Variants in CADM1 observed in about 807,000 individuals in gnomAD.
CADM1 encodes TSLC-1.
A neutral mutation model predicts 53.1 loss-of-function variants in CADM1; 15 were observed. That is an observed-to-expected ratio of 0.28 (90% CI 0.19 to 0.44). The LOEUF is 0.44. Ranked by LOEUF, CADM1 falls within the 20% of genes least tolerant of loss-of-function variation. The probability of loss-of-function intolerance (pLI) is 1.00; values close to 1 mark genes in which losing one functional copy is unlikely to be tolerated. For synonymous variants in CADM1, 281 were observed against 243.0 expected (o/e 1.16, Z -1.45); for missense variants, 434 against 611.3 (o/e 0.71, Z 3.06).
intron 3 of CADM1, among the ~76,000 whole-genome samples, chr11:115,233,983 T>G (rs561003181): frequency 1.3e-5 from 2 of 152,358 alleles, no homozygotes; most frequent in African/African-American, 4.8e-5. Context: ...TGATGCTCCC[T>G]CTGTGGAAAC....
intron 1 of CADM1, among the ~76,000 whole-genome samples, chr11:115,295,538 ATATATATATATAAT>A (rs1228541212): frequency 4.0e-5 from 3 of 74,534 alleles, no homozygotes; most frequent in African/African-American, 2.4e-4. Context: ...ATATATATAT[ATATATATATATAAT>A]ATATATGTAT....
intron 1 of CADM1, among the ~76,000 whole-genome samples, chr11:115,308,194 GTATA>G (rs560354243): frequency 1.6e-5 from 2 of 123,954 alleles, no homozygotes; most frequent in Non-Finnish European, 1.8e-5. Context: ...TCATAGGTGT[GTATA>G]TATATATATA....
At chr11:115,314,718 G>T (rs1944616442) in intron 1 of CADM1, among the ~76,000 whole-genome samples, 1 of 152,184 alleles carries the variant, frequency 6.6e-6, no homozygotes, top group Admixed American at 6.6e-5. Context: ...TTGTATGACA[G>T]ACATAGCACC....
At chr11:115,209,920 T>C (rs530785547) in intron 7 of CADM1, among the ~76,000 whole-genome samples, 3 of 152,098 alleles carry the variant, frequency 2.0e-5, no homozygotes. Context: ...GGAGGAAAAA[T>C]CAAAACATAC....
intron 1 of CADM1, among the ~76,000 whole-genome samples, chr11:115,314,483 G>C (rs929664680): frequency 6.6e-6 from 1 of 152,168 alleles, no homozygotes; most frequent in Non-Finnish European, 1.5e-5. Context: ...TAATTTCTGA[G>C]AAACATAAGC....
intron 10 of CADM1, among the ~76,000 whole-genome samples, chr11:115,186,989 C>A (rs1939590930): frequency 6.6e-6 from 1 of 152,130 alleles, no homozygotes; most frequent in Non-Finnish European, 1.5e-5. Flanking sequence ...GCCCAGAGCC[C>A]AGCACAAGGA....
rs1358305822 is a variant in CADM1, at chr11:115,169,472, G to C, written c.*7002C>G. 5.0e-6 allele frequency: 2 copies of C among 403,860 alleles called. No homozygotes were observed. The highest frequency in any genetic ancestry group is 2.1e-5 in the African/African-American group (1 of 48,436). 25.0% of individuals were successfully genotyped at this position (403,860 alleles called of 1,614,324 possible). A position where few individuals can be genotyped will look rare whatever the true frequency, so the allele number is the denominator to read the frequency against. ...AGCAGCAGCAATGGGCTTTGGCAGG[G>C]AAGTAGGAGCAAAAAACCCAAGTAG... is the stretch of plus-strand genomic sequence containing the variant. On this transcript the variant is annotated 3_prime_UTR_variant, in exon 12 of 12. Transcript: ENST00000331581.
At chr11:115,478,112 C>T (rs986506949) in intron 1 of CADM1, among the ~76,000 whole-genome samples, 1 of 152,020 alleles carries the variant, frequency 6.6e-6, no homozygotes, top group Non-Finnish European at 1.5e-5. Context: ...TTCACGTATC[C>T]CAATAATCAT....
intron 1 of CADM1, among the ~76,000 whole-genome samples, chr11:115,431,933 CATATATATA>C (rs902541089): frequency 4.0e-5 from 6 of 150,202 alleles, no homozygotes; most frequent in East Asian, 1.9e-4. Flanking sequence ...TATATAAAAC[CATATATATA>C]ATATATATAA....
chr11:115,486,925 C>T (rs1031875861), intron 1 of CADM1, among the ~76,000 whole-genome samples: 2 of 152,094 alleles, frequency 1.3e-5, no homozygotes, highest in Admixed American at 1.3e-4. Flanking sequence ...TAGAGGTGCC[C>T]GTGATCTGAA....
At chr11:115,489,619 G>A (rs2075847466) in intron 1 of CADM1, among the ~76,000 whole-genome samples, 1 of 152,212 alleles carries the variant, frequency 6.6e-6, no homozygotes, top group Non-Finnish European at 1.5e-5. Context: ...TACGTGGAAG[G>A]TATGAGGATA....
At chr11:115,198,864 C>T (rs1940288006) in intron 8 of CADM1, among the ~76,000 whole-genome samples, 1 of 152,206 alleles carries the variant, frequency 6.6e-6, no homozygotes, top group Middle Eastern at 3.2e-3. Context: ...CAAACATTGC[C>T]TTTGTTTTAA....
chr11:115,295,956 A>C (rs987311272), intron 1 of CADM1, among the ~76,000 whole-genome samples: 3 of 151,882 alleles, frequency 2.0e-5, no homozygotes, highest in African/African-American at 7.3e-5. Flanking sequence ...TTCTTTTCTT[A>C]TATATTTTTT....
chr11:115,255,925 A>G (rs1164977434), intron 1 of CADM1, among the ~76,000 whole-genome samples: 2 of 152,242 alleles, frequency 1.3e-5, no homozygotes, highest in Admixed American at 6.5e-5. Context: ...CAAATAGATT[A>G]TTCTGCACTT....
chr11:115,275,795 G>A (rs1406788184), intron 1 of CADM1, among the ~76,000 whole-genome samples: 1 of 152,176 alleles, frequency 6.6e-6, no homozygotes, highest in African/African-American at 2.4e-5. Flanking sequence ...GGATAATGGT[G>A]CGCTTGCTAC....
intron 1 of CADM1, among the ~76,000 whole-genome samples, chr11:115,447,722 C>G (rs1948482839): frequency 6.6e-6 from 1 of 152,148 alleles, no homozygotes; most frequent in African/African-American, 2.4e-5. Flanking sequence ...TGGCACCCTC[C>G]TCAGACAATT....
In CADM1 at chr11:115,375,174, T is replaced by C. The variant is rs918950312; in HGVS notation, c.124+129097A>G. ...TGAAATAATATTGGTCATGAGTTAATAACTGTTGAAGTTGAGTGATAAGAA... is the reference window on the plus strand; with the variant it reads ...TGAAATAATATTGGTCATGAGTTAACAACTGTTGAAGTTGAGTGATAAGAA... On this transcript the variant is annotated intron_variant, in intron 1 of 11. Coordinates refer to ENST00000331581, the MANE Select transcript of CADM1 (RefSeq NM_001301043.2). Among the ~76,000 whole-genome samples the C allele has an allele frequency of 2.0e-5, 3 of 152,196 alleles. No individual in the cohort carries two copies. The East Asian group carries it at 5.8e-4, about 29-fold the overall frequency.
At chr11:115,487,215 G>T (rs1591297141) in intron 1 of CADM1, among the ~76,000 whole-genome samples, 1 of 152,230 alleles carries the variant, frequency 6.6e-6, no homozygotes, top group Admixed American at 6.5e-5. Flanking sequence ...GAGATCCAAT[G>T]TATGAACATG....
intron 5 of CADM1, among the ~76,000 whole-genome samples, chr11:115,223,112 C>G (rs1941466356): frequency 6.6e-6 from 1 of 152,164 alleles, no homozygotes; most frequent in African/African-American, 2.4e-5. Context: ...GGGGCATGGA[C>G]TTCTCCTTCC....
Sources: allele counts gnomAD v4.1 joint callset (sites outside exome capture counted in the v4.1 genomes callset), GRCh38; gene constraint gnomAD v4.1.1; transcripts MANE v1.5; gene names NCBI Gene and HGNC (gene_info 2026-07-23, HGNC 2026-07-21).